Variants in PTPRO observed in about 807,000 individuals in gnomAD.
PTPRO encodes protein tyrosine phosphatase receptor type O, also known as receptor-type tyrosine-protein phosphatase O.
PTPRO carries 62 observed loss-of-function variants against 145.2 expected under a neutral mutation model. The ratio of observed to expected loss-of-function variants is 0.43; its 90% CI spans 0.35 to 0.53. The LOEUF is 0.53. Among genes scored for constraint, PTPRO ranks in the 20% least tolerant of loss-of-function variants. The pLI, the probability that PTPRO is intolerant of heterozygous loss-of-function variation, is 0.01. For synonymous variants in PTPRO, 565 were observed against 514.7 expected (o/e 1.10, Z -1.32); for missense variants, 1,345 against 1,482.7 (o/e 0.91, Z 1.53).
At chr12:15,540,210 A>G (rs928418072) in intron 12 of PTPRO, among the ~76,000 whole-genome samples, 1 of 152,236 alleles carries the variant, frequency 6.6e-6, no homozygotes, top group Non-Finnish European at 1.5e-5. Flanking sequence ...CACTGCTTAC[A>G]TTGCAGATGC....
chr12:15,434,053 A>T (rs1000253040), intron 1 of PTPRO, among the ~76,000 whole-genome samples: 1 of 152,158 alleles, frequency 6.6e-6, no homozygotes, highest in African/African-American at 2.4e-5. Flanking sequence ...CCCTGTTAAT[A>T]TGCATATCTT....
Position 15,580,687 on chromosome 12 carries a change from T to A in PTPRO, c.2998-10T>A, listed in dbSNP as rs770071128. ...CTGGTTAGGTGATAATTTTGTCACT[T>A]ATCTTTCAGGGATACAACTCACCCC... On this transcript the variant is annotated splice_polypyrimidine_tract_variant and intron_variant, in intron 21 of 26. Transcript: ENST00000281171. The A allele has an allele frequency of 1.9e-5, 30 of 1,613,996 alleles. No individual in the cohort carries two copies.
chr12:15,354,099 A>G (rs1466936671), intron 1 of PTPRO, among the ~76,000 whole-genome samples: 1 of 152,138 alleles, frequency 6.6e-6, no homozygotes, highest in African/African-American at 2.4e-5. Context: ...GTCCTCCTCA[A>G]ATAGGGCACT....
intron 1 of PTPRO, among the ~76,000 whole-genome samples, chr12:15,370,921 T>C (rs1591750996): frequency 6.6e-6 from 1 of 152,316 alleles, no homozygotes; most frequent in African/African-American, 2.4e-5. Context: ...TTGTAAGTTA[T>C]GGCATATTCA....
At chr12:15,376,022 A>C (rs959527102) in intron 1 of PTPRO, among the ~76,000 whole-genome samples, 1 of 152,194 alleles carries the variant, frequency 6.6e-6, no homozygotes, top group Non-Finnish European at 1.5e-5. Context: ...ACCATCAAGC[A>C]TATCAACATA....
Position 15,481,594 on chromosome 12 carries a change from T to A in PTPRO, c.76-2380T>A, listed in dbSNP as rs538106516. ...GCACTTAGCATATGCCAGGTACTGATCCTAGAGCTGGAAGTGCAGCTGGAA... is the reference window on the plus strand; with the variant it reads ...GCACTTAGCATATGCCAGGTACTGAACCTAGAGCTGGAAGTGCAGCTGGAA... On this transcript the variant is annotated intron_variant, in intron 1 of 26. Coordinates refer to ENST00000281171, the MANE Select transcript of PTPRO (RefSeq NM_030667.3). Among the ~76,000 whole-genome samples the A allele has an allele frequency of 1.2e-4, 18 of 152,262 alleles. 1 individual carries two copies. Among genetic ancestry groups the A allele is most frequent in the African/African-American group, 4.3e-4 (18 of 41,542 alleles).
intron 23 of PTPRO, 112 bp downstream of exon 23, chr12:15,581,913 C>A (rs1047014043): frequency 2.2e-6 from 3 of 1,387,348 alleles, no homozygotes; most frequent in African/African-American, 1.4e-5. Context: ...GACACACACA[C>A]AAAAATATCG....
intron 1 of PTPRO, among the ~76,000 whole-genome samples, chr12:15,336,208 T>C (rs1866756948): frequency 6.6e-6 from 1 of 151,626 alleles, no homozygotes; most frequent in African/African-American, 2.4e-5. Context: ...TTTTCCTGTA[T>C]CTGTGCATTT....
chr12:15,387,655 T>C (rs1332264882), intron 1 of PTPRO, among the ~76,000 whole-genome samples: 3 of 152,232 alleles, frequency 2.0e-5, no homozygotes, highest in Non-Finnish European at 2.9e-5. Flanking sequence ...GTCAGGACCA[T>C]GCCATCTGAG....
intron 1 of PTPRO, among the ~76,000 whole-genome samples, chr12:15,466,884 C>T (rs1941429048): frequency 6.6e-6 from 1 of 152,136 alleles, no homozygotes; most frequent in South Asian, 2.1e-4. Context: ...AATAAGGAAT[C>T]ATCCGTGGCA....
At chr12:15,385,372 T>C (rs1938991318) in intron 1 of PTPRO, among the ~76,000 whole-genome samples, 2 of 152,112 alleles carry the variant, frequency 1.3e-5, no homozygotes, top group Admixed American at 1.3e-4. Context: ...CACCTGGAGT[T>C]TGATGCCAGC....
chr12:15,447,299 G>A (rs1940926330), intron 1 of PTPRO, among the ~76,000 whole-genome samples: 1 of 152,026 alleles, frequency 6.6e-6, no homozygotes, highest in Non-Finnish European at 1.5e-5. Context: ...CTCCAAAATT[G>A]TGCTTAAGTA....
chr12:15,461,813 G>A (rs556258200), intron 1 of PTPRO, among the ~76,000 whole-genome samples: 52 of 151,988 alleles, frequency 3.4e-4, no homozygotes, highest in Admixed American at 6.6e-4. Flanking sequence ...TGATCCGCCC[G>A]CCTCAGCCTC....
intron 1 of PTPRO, among the ~76,000 whole-genome samples, chr12:15,339,477 C>A (rs757830483): frequency 6.6e-6 from 1 of 152,192 alleles, no homozygotes; most frequent in African/African-American, 2.4e-5. Flanking sequence ...TATCATACCT[C>A]ATTTTAGCTT....
intron 2 of PTPRO, among the ~76,000 whole-genome samples, chr12:15,493,723 T>C (rs553501391): frequency 2.0e-5 from 3 of 152,302 alleles, no homozygotes; most frequent in African/African-American, 7.2e-5. Flanking sequence ...AATCTATTTC[T>C]AATCTAATTA....
chr12:15,434,808 ATTATCACAAAGAAAATG>A (rs1940550454), intron 1 of PTPRO, among the ~76,000 whole-genome samples: 1 of 152,214 alleles, frequency 6.6e-6, no homozygotes, highest in Non-Finnish European at 1.5e-5. Context: ...TGAATCACTG[ATTATCACAAAGAAAATG>A]TGGAACAACC....
At chr12:15,409,735 G>T (rs1164697124) in intron 1 of PTPRO, among the ~76,000 whole-genome samples, 2 of 152,176 alleles carry the variant, frequency 1.3e-5, no homozygotes, top group Non-Finnish European at 2.9e-5. Flanking sequence ...GCAAGTGAGT[G>T]CAAGGAGAAG....
intron 12 of PTPRO, among the ~76,000 whole-genome samples, chr12:15,545,870 CA>C (rs1477618495): frequency 6.6e-6 from 1 of 151,816 alleles, no homozygotes; most frequent in Non-Finnish European, 1.5e-5. Flanking sequence ...TCCATCTCTG[CA>C]AAAAATGCAA....
intron 1 of PTPRO, among the ~76,000 whole-genome samples, chr12:15,425,154 T>G (rs1940250487): frequency 6.6e-6 from 1 of 152,184 alleles, no homozygotes; most frequent in Non-Finnish European, 1.5e-5. Context: ...TTTGTTGTGC[T>G]CATACTCCCA....
Sources: allele counts gnomAD v4.1 joint callset (sites outside exome capture counted in the v4.1 genomes callset), GRCh38; gene constraint gnomAD v4.1.1; transcripts MANE v1.5; gene names NCBI Gene and HGNC (gene_info 2026-07-23, HGNC 2026-07-21).